The following CCDC66 variants were observed in gnomAD, a reference collection of about 807,000 sequenced individuals.
The protein encoded by CCDC66 is coiled-coil domain containing 66.
In CCDC66, 133 loss-of-function variants were observed where a neutral mutation model predicts 128.3. The ratio of observed to expected loss-of-function variants is 1.04; its 90% confidence interval spans 0.90 to 1.20. The LOEUF (loss-of-function observed/expected upper bound fraction) is 1.20. CCDC66 is among the 50% of genes most tolerant of loss of function. The pLI, the probability that CCDC66 is intolerant of heterozygous loss-of-function variation, is 0.00. For synonymous variants in CCDC66, 387 were observed against 357.0 expected (o/e 1.08, Z -0.95); for missense variants, 1,126 against 1,075.5 (o/e 1.05, Z -0.66).
intron 4 of CCDC66, chr3:56,565,312 C>G (rs1553661045): frequency 5.5e-6 from 1 of 182,330 alleles, no homozygotes; most frequent in Non-Finnish European, 1.1e-5. Context: ...CTCGCTTTGT[C>G]ACCCAGGCTG....
At chr3:56,615,877 A>C in intron 12 of CCDC66, 45 bp from the exon 13 acceptor site, 1 of 1,502,666 alleles carries the variant, frequency 6.7e-7, no homozygotes, top group Non-Finnish European at 9.0e-7. Flanking sequence ...AATTTTTATT[A>C]ATATTCCTTA....
chr3:56,563,813 T>G lies in CCDC66; in HGVS notation c.232T>G (p.Ser78Ala). 1 of 1,554,660 alleles carries G rather than the reference T, an allele frequency of 6.4e-7. No homozygotes were observed. The highest frequency in any genetic ancestry group is 8.7e-7 in the Non-Finnish European group (1 of 1,148,246). Residue 78 changes from serine to alanine, a missense_variant, in exon 4 of 18, where the codon TCA becomes GCA. Ser to Ala is a moderately conservative substitution (Grantham distance 99). Coordinates refer to ENST00000394672, the MANE Select transcript of CCDC66 (RefSeq NM_001141947.3). ...LQKKPVGSETSQAKGEKNGMT... is the reference protein window; with the variant it reads ...LQKKPVGSETAQAKGEKNGMT... Reference sequence around the variant, plus strand: ...AAAGAAGCCAGTTGGTTCAGAAACATCACAGGCAAAAGGTGAAAAAAATGG... The same window carrying G: ...AAAGAAGCCAGTTGGTTCAGAAACAGCACAGGCAAAAGGTGAAAAAAATGG...
intron 7 of CCDC66, among the ~76,000 whole-genome samples, chr3:56,580,168 C>A (rs1175694469): frequency 6.6e-6 from 1 of 151,704 alleles, no homozygotes; most frequent in African/African-American, 2.4e-5. Context: ...ATGTAATGGC[C>A]TTCTTTGTCT....
intron 7 of CCDC66, among the ~76,000 whole-genome samples, chr3:56,583,207 T>C (rs2068739633): frequency 6.6e-6 from 1 of 151,604 alleles, no homozygotes; most frequent in Non-Finnish European, 1.5e-5. Flanking sequence ...ATTTGTGAAA[T>C]GCAAAAAAAA....
Position 56,601,371 on chromosome 3 carries a change from T to C in CCDC66, c.1404+7343T>C, listed in dbSNP as rs144815237. ...ACCAGTACCATGCTGCTTTGGTTATTGTAACCTTGTAGTATAGTTTGAAGT... is the reference window on the plus strand; with the variant it reads ...ACCAGTACCATGCTGCTTTGGTTATCGTAACCTTGTAGTATAGTTTGAAGT... On this transcript the variant is annotated intron_variant, in intron 10 of 17. Transcript: ENST00000394672. Among the ~76,000 whole-genome samples, 439 of 152,236 alleles carry C rather than the reference T, an allele frequency of 2.9e-3. 12 individuals carry two copies. Among genetic ancestry groups the C allele is most frequent in the African/African-American group, 0.01 (425 of 41,468 alleles).
At chr3:56,579,071 A>G (rs537427986) in intron 7 of CCDC66, among the ~76,000 whole-genome samples, 6 of 151,976 alleles carry the variant, frequency 3.9e-5, no homozygotes, top group African/African-American at 1.4e-4. Context: ...GCTATTAATT[A>G]TTGCCTCAAT....
intron 7 of CCDC66, among the ~76,000 whole-genome samples, chr3:56,583,314 G>A (rs1304040527): frequency 1.3e-5 from 2 of 151,950 alleles, no homozygotes; most frequent in Non-Finnish European, 1.5e-5. Flanking sequence ...TTGTTTGTTT[G>A]TTTTATTGAT....
chr3:56,597,397 A>G lies in CCDC66; in HGVS notation c.1404+3369A>G, dbSNP rs548506459. ...GTTATTACGGCTCTTTTTTGGTTTC[A>G]TAGAAAGTTTTGAATTTTTTCTACT... On this transcript the variant is annotated intron_variant, in intron 10 of 17. Transcript: ENST00000394672. Among the ~76,000 whole-genome samples the G allele has an allele frequency of 5.3e-5, 8 of 151,944 alleles. No homozygotes were observed. In the South Asian group the frequency reaches 1.2e-3, roughly 24 times the overall value.
Position 56,616,026 on chromosome 3 carries a change from T to TCTC in CCDC66, c.1818_1819insCCT (p.Ser606_Lys607insPro), listed in dbSNP as rs1553710781. 234,050 of 1,589,982 alleles carry TCTC rather than the reference T, an allele frequency of 0.15. 24,815 individuals are homozygous for TCTC. The highest frequency in any genetic ancestry group is 0.4 in the South Asian group (34,874 of 87,728). On this transcript the variant is annotated inframe_insertion, in exon 13 of 18. Transcript: ENST00000394672. Reference sequence around the variant, plus strand: ...GAATACATATATGAATTCTACGACTTCTAAGAAGGATACTGGTGTGCAAAC... The same window carrying TCTC: ...GAATACATATATGAATTCTACGACTTCTCCTAAGAAGGATACTGGTGTGCAAAC...
chr3:56,558,969 ATTAG>A, intron 2 of CCDC66, 59 bp downstream of exon 2: 1 of 1,233,714 alleles, frequency 8.1e-7, no homozygotes, highest in Non-Finnish European at 1.1e-6. Context: ...TAAAATTTAT[ATTAG>A]TTCAACAGAC....
At chr3:56,563,634 G>C in intron 3 of CCDC66, 50 bp from the exon 4 acceptor site, 1 of 1,376,046 alleles carries the variant, frequency 7.3e-7, no homozygotes, top group Non-Finnish European at 9.8e-7. Flanking sequence ...AAGATAATTG[G>C]TGATTTTTCT....
rs746885668 is a variant in CCDC66 at position 56,563,958 on chromosome 3, A to C, written c.377A>C (p.Asn126Thr). 33 of 1,613,874 alleles carry C rather than the reference A, an allele frequency of 2.0e-5. No individual in the cohort carries two copies. The highest frequency in any genetic ancestry group is 2.7e-5 in the Non-Finnish European group (32 of 1,179,936). ...PNMQKTRNTV[N>T]TSLVGKQKPH... ...ATGCAGAAGACTAGAAACACCGTAA[A>C]TACATCTCTAGTAGGTAAACAGAAG... The change falls in exon 4 of 18, where the codon AAT becomes ACT. Residue 126 changes from asparagine (N) to threonine (T), a missense_variant. By Grantham distance (65) the Asn-to-Thr change is moderately conservative. Coordinates refer to ENST00000394672, the MANE Select transcript of CCDC66 (RefSeq NM_001141947.3).
At chr3:56,615,537 C>G (rs2075382361) in intron 12 of CCDC66, 4 of 370,456 alleles carry the variant, frequency 1.1e-5, no homozygotes, top group Non-Finnish European at 1.9e-5. Flanking sequence ...CTGCACCCAG[C>G]CTAAATGATT....
At chr3:56,597,139 T>C (rs1348435196) in intron 10 of CCDC66, among the ~76,000 whole-genome samples, 1 of 151,994 alleles carries the variant, frequency 6.6e-6, no homozygotes, top group Non-Finnish European at 1.5e-5. Flanking sequence ...TTTCCAAGCA[T>C]TATTTATTGA....
In CCDC66 at chr3:56,619,793, ACAGCTATT is replaced by A; in HGVS notation, c.2653_2660del (p.Gln885Ter). On this transcript the variant is annotated frameshift_variant, in exon 17 of 18. Transcript: ENST00000394672. LOFTEE classifies it high-confidence loss of function. ...TGGCTTTAGACTGTGGCCAAAAACG[ACAGCTATT>A]TGATTCTGACTGTGTCAGGGATCCA... 1 of 1,613,992 alleles carries A rather than the reference ACAGCTATT, an allele frequency of 6.2e-7. No homozygotes were observed. Among genetic ancestry groups the A allele is most frequent in the African/African-American group, 1.3e-5 (1 of 75,042 alleles).
At position 56,611,626 on chromosome 3, in the gene CCDC66, G is replaced by A. The variant is rs2074841451; in HGVS notation, c.1405-1963G>A. Among the ~76,000 whole-genome samples, 6 of 142,494 alleles carry A rather than the reference G, an allele frequency of 4.2e-5. No individual in the cohort carries two copies. In the Admixed American group the frequency reaches 4.5e-4, roughly 11 times the overall value. 93.5% of individuals were successfully genotyped at this position (142,494 alleles called of 152,430 possible). A position where few individuals can be genotyped will look rare whatever the true frequency, so the allele number is the denominator to read the frequency against. ...CTCGTCCTGTTCAAGTTGTTACAAA[G>A]TTCATCTAGAGAAGTAATTCTCCCT... On this transcript the variant is annotated intron_variant, in intron 10 of 17. Coordinates refer to ENST00000394672, the MANE Select transcript of CCDC66 (RefSeq NM_001141947.3).
At chr3:56,583,835 G>A (rs1209857649) in intron 7 of CCDC66, among the ~76,000 whole-genome samples, 4 of 112,922 alleles carry the variant, frequency 3.5e-5, no homozygotes, top group African/African-American at 6.4e-5. Context: ...ACGGGGTGGC[G>A]GCCAGGAAGA....
chr3:56,597,768 T>TGTG, intron 10 of CCDC66, among the ~76,000 whole-genome samples: 1 of 104,394 alleles, frequency 9.6e-6, no homozygotes, highest in Non-Finnish European at 1.9e-5. Flanking sequence ...GTCTAGGTTT[T>TGTG]GTTTTGGGGT....
rs747054045 is a variant in CCDC66 at position 56,621,563 on chromosome 3, G to C, written c.2792G>C (p.Ser931Thr). The C allele has an allele frequency of 1.2e-6, 2 of 1,602,486 alleles. No individual in the cohort carries two copies. Among genetic ancestry groups the C allele is most frequent in the South Asian group, 1.1e-5 (1 of 88,646 alleles). Reference sequence around the variant, plus strand: ...CTCCAGAAGCAAAAGGAGTTGGAAAGTAGTCTCCTGCCTTTAGCTGAAAAT... The same window carrying C: ...CTCCAGAAGCAAAAGGAGTTGGAAACTAGTCTCCTGCCTTTAGCTGAAAAT... Reference protein sequence around the residue: ...GLLQKQKELESSLLPLAENQE... With the variant: ...GLLQKQKELETSLLPLAENQE... Residue 931 changes from serine to threonine, a missense_variant, in exon 18 of 18, where the codon AGT becomes ACT. Ser to Thr is a moderately conservative substitution (Grantham distance 58). Coordinates refer to ENST00000394672, the MANE Select transcript of CCDC66 (RefSeq NM_001141947.3).
Sources: allele counts gnomAD v4.1 joint callset (sites outside exome capture counted in the v4.1 genomes callset), GRCh38; gene constraint gnomAD v4.1.1; transcripts MANE v1.5; gene names NCBI Gene and HGNC (gene_info 2026-07-23, HGNC 2026-07-21).